Variants in FHL5 observed in about 807,000 individuals in gnomAD.
FHL5 encodes four and a half LIM domains protein 5.
A neutral mutation model predicts 32.0 loss-of-function variants in FHL5; 33 were observed. The ratio of observed to expected loss-of-function variants is 1.03; its 90% CI spans 0.78 to 1.38. The LOEUF (loss-of-function observed/expected upper bound fraction) is 1.38. FHL5 is among the 40% of genes most tolerant of loss of function. FHL5 has a pLI of 0.00. For missense variants in FHL5, 336 were observed against 343.9 expected (o/e 0.98, Z 0.18); for synonymous variants, 114 against 113.6 (o/e 1.00, Z -0.02).
chr6:96,572,746 G>A (rs928855953), intron 1 of FHL5, among the ~76,000 whole-genome samples: 1 of 152,176 alleles, frequency 6.6e-6, no homozygotes, highest in African/African-American at 2.4e-5. Flanking sequence ...TTGGTGTCCA[G>A]GGTGTTGATG....
intron 1 of FHL5, among the ~76,000 whole-genome samples, chr6:96,584,539 T>G (rs185014312): frequency 1.3e-5 from 2 of 151,286 alleles, no homozygotes; most frequent in Admixed American, 1.3e-4. Context: ...CAAGTAGAAA[T>G]GAGAAGATAA....
chr6:96,594,718 GTTTTCTAGTTTTCTTTTTCCTACGTAC>G (rs1771000153), intron 1 of FHL5, among the ~76,000 whole-genome samples: 1 of 151,712 alleles, frequency 6.6e-6, no homozygotes, highest in Non-Finnish European at 1.5e-5. Flanking sequence ...TGATGTCTCA[GTTTTCTAGTTTTCTTTTTCCTACGTAC>G]TTTCTATGAA....
chr6:96,615,361 T>C (rs577030533), intron 5 of FHL5, among the ~76,000 whole-genome samples: 1 of 152,318 alleles, frequency 6.6e-6, no homozygotes, highest in East Asian at 1.9e-4. Flanking sequence ...ATATTAGCAT[T>C]CTGCCTTCTT....
intron 1 of FHL5, among the ~76,000 whole-genome samples, chr6:96,568,349 C>CAGATTGGT (rs1164106365): frequency 6.6e-6 from 1 of 151,706 alleles, no homozygotes; most frequent in Non-Finnish European, 1.5e-5. Context: ...AATGTGCTGC[C>CAGATTGGT]AGATTGGTTC....
chr6:96,585,676 A>G (rs943409829), intron 1 of FHL5, among the ~76,000 whole-genome samples: 1 of 152,204 alleles, frequency 6.6e-6, no homozygotes, highest in Non-Finnish European at 1.5e-5. Flanking sequence ...AAATCAATGC[A>G]GTAACTTATA....
chr6:96,594,232 TATATATATATATA>T (rs1770983348), intron 1 of FHL5, among the ~76,000 whole-genome samples: 1 of 17,874 alleles, frequency 5.6e-5, no homozygotes, highest in Admixed American at 5.0e-4. Context: ...AGAATTTATA[TATATATATATATA>T]TATATATATA....
At chr6:96,571,893 A>G (rs1404370873) in intron 1 of FHL5, among the ~76,000 whole-genome samples, 1 of 152,208 alleles carries the variant, frequency 6.6e-6, no homozygotes, top group Non-Finnish European at 1.5e-5. Context: ...TGTGGGGCCA[A>G]GTGTATTTGC....
At chr6:96,574,691 TAAGA>T (rs1034817971) in intron 1 of FHL5, among the ~76,000 whole-genome samples, 5 of 152,318 alleles carry the variant, frequency 3.3e-5, no homozygotes, top group African/African-American at 1.2e-4. Flanking sequence ...TATATATTTT[TAAGA>T]AGAGGTAAAT....
At chr6:96,602,916 TGAG>T (rs1771185270) in intron 1 of FHL5, among the ~76,000 whole-genome samples, 1 of 152,282 alleles carries the variant, frequency 6.6e-6, no homozygotes, top group African/African-American at 2.4e-5. Flanking sequence ...TCCTACCTGC[TGAG>T]GAGTTTTATT....
At chr6:96,571,950 G>A (rs1432847450) in intron 1 of FHL5, among the ~76,000 whole-genome samples, 1 of 152,086 alleles carries the variant, frequency 6.6e-6, no homozygotes, top group Non-Finnish European at 1.5e-5. Context: ...TTGTTCCCTG[G>A]GTGACAGGTG....
At chr6:96,595,070 G>A (rs2127968754) in intron 1 of FHL5, among the ~76,000 whole-genome samples, 1 of 150,982 alleles carries the variant, frequency 6.6e-6, no homozygotes, top group Middle Eastern at 3.4e-3. Context: ...CTTTCTTTTT[G>A]TCTTCAGTTT....
At chr6:96,611,697 G>A (rs112050555) in intron 5 of FHL5, among the ~76,000 whole-genome samples, 3,788 of 152,156 alleles carry the variant, frequency 0.025, 51 homozygotes, top group Non-Finnish European at 0.03. Context: ...TCAAATATGT[G>A]GCAAAATAAA....
At chr6:96,599,942 T>A (rs1382933039) in intron 1 of FHL5, among the ~76,000 whole-genome samples, 1 of 152,230 alleles carries the variant, frequency 6.6e-6, no homozygotes, top group East Asian at 1.9e-4. Context: ...AGGTGCGGAT[T>A]CCTGAGACAA....
chr6:96,606,342 T>TTTG (rs1301749709), intron 4 of FHL5, among the ~76,000 whole-genome samples: 7 of 151,886 alleles, frequency 4.6e-5, no homozygotes, highest in African/African-American at 7.3e-5. Context: ...TTCACTGTTT[T>TTTG]TTGTTGTTGT....
At chr6:96,569,780 G>T (rs1582455910) in intron 1 of FHL5, among the ~76,000 whole-genome samples, 1 of 115,904 alleles carries the variant, frequency 8.6e-6, no homozygotes, top group Admixed American at 8.6e-5. Context: ...TTCTATATGT[G>T]TCTTTTTAGG....
intron 1 of FHL5, among the ~76,000 whole-genome samples, chr6:96,591,844 C>G (rs11153070): frequency 0.12 from 18,897 of 152,004 alleles, 1,475 homozygotes; most frequent in Middle Eastern, 0.22. Context: ...AGCTGGGCAT[C>G]TGGGGGACAC....
intron 5 of FHL5, among the ~76,000 whole-genome samples, chr6:96,611,367 G>GA (rs202119714): frequency 1.4e-4 from 21 of 149,638 alleles, no homozygotes; most frequent in East Asian, 9.8e-4. Flanking sequence ...GCATTTTACT[G>GA]AAAAAAAAAT....
intron 4 of FHL5, 42 bp from the exon 5 acceptor site, chr6:96,610,530 A>G: frequency 6.9e-7 from 1 of 1,442,740 alleles, no homozygotes; most frequent in Non-Finnish European, 9.7e-7. Flanking sequence ...TCTGAATTGT[A>G]ATGGCTCCCA....
At chr6:96,594,616 T>C (rs545665109) in intron 1 of FHL5, among the ~76,000 whole-genome samples, 29 of 152,156 alleles carry the variant, frequency 1.9e-4, no homozygotes, top group African/African-American at 6.7e-4. Flanking sequence ...TTTTGGATCA[T>C]CTTTGGAATA....
Sources: gnomAD v4.1 joint callset for allele counts (sites outside exome capture counted in the v4.1 genomes callset) on GRCh38, gnomAD v4.1.1 for gene constraint, MANE v1.5 for transcripts, NCBI Gene and HGNC (gene_info 2026-07-23, HGNC 2026-07-21) for gene names.